CDH10: variants seen among roughly 807,000 people sequenced by gnomAD.
The protein encoded by CDH10 is cadherin-10.
A neutral mutation model predicts 73.1 loss-of-function variants in CDH10; 30 were observed. The observed-to-expected ratio is 0.41, with a 90% CI of 0.31 to 0.56. The LOEUF (loss-of-function observed/expected upper bound fraction) is 0.56. CDH10 is among the 20% of genes least tolerant of loss of function. CDH10 has a pLI of 0.27. For synonymous variants in CDH10, 345 were observed against 348.2 expected (o/e 0.99, Z 0.10); for missense variants, 815 against 973.7 (o/e 0.84, Z 2.17).
chr5:24,550,795 A>G (rs1744515727), intron 2 of CDH10, among the ~76,000 whole-genome samples: 1 of 152,076 alleles, frequency 6.6e-6, no homozygotes, highest in South Asian at 2.1e-4. Context: ...TTTTTCTCCA[A>G]CTTTACTCAT....
At chr5:24,551,935 C>A (rs1241588308) in intron 2 of CDH10, among the ~76,000 whole-genome samples, 1 of 151,998 alleles carries the variant, frequency 6.6e-6, no homozygotes, top group African/African-American at 2.4e-5. Flanking sequence ...GTCTTTATGA[C>A]ATGGATTTTT....
At chr5:24,625,592 AAT>A (rs1486867418) in intron 1 of CDH10, among the ~76,000 whole-genome samples, 1 of 147,436 alleles carries the variant, frequency 6.8e-6, no homozygotes, top group East Asian at 2.0e-4. Context: ...CATATATATG[AAT>A]ATATATGTGT....
intron 1 of CDH10, among the ~76,000 whole-genome samples, chr5:24,610,371 A>G (rs7717758): frequency 0.091 from 13,898 of 152,236 alleles, 846 homozygotes; most frequent in African/African-American, 0.16. Context: ...AATATTTTAG[A>G]GTACATTTAA....
chr5:24,625,299 G>T (rs1292134015), intron 1 of CDH10, among the ~76,000 whole-genome samples: 1 of 151,868 alleles, frequency 6.6e-6, no homozygotes, highest in African/African-American at 2.4e-5. Flanking sequence ...TATTGGAAGT[G>T]CCTGAGTTTG....
intron 2 of CDH10, among the ~76,000 whole-genome samples, chr5:24,574,536 G>A (rs1039514812): frequency 2.0e-5 from 3 of 151,888 alleles, no homozygotes; most frequent in Non-Finnish European, 4.4e-5. Flanking sequence ...CAACCACCAC[G>A]GGAATATTGA....
chr5:24,626,034 C>A (rs1235699405), intron 1 of CDH10, among the ~76,000 whole-genome samples: 2 of 151,974 alleles, frequency 1.3e-5, no homozygotes, highest in Admixed American at 1.3e-4. Context: ...GTAAATTAAG[C>A]CTAAAAGCTT....
intron 6 of CDH10, among the ~76,000 whole-genome samples, chr5:24,510,936 C>T (rs550559862): frequency 1.2e-4 from 18 of 152,296 alleles, no homozygotes; most frequent in African/African-American, 4.1e-4. Context: ...ATTATTGCTT[C>T]ATCATCTGGA....
intron 2 of CDH10, among the ~76,000 whole-genome samples, chr5:24,583,692 C>T (rs2112063548): frequency 6.6e-6 from 1 of 152,274 alleles, no homozygotes; most frequent in East Asian, 1.9e-4. Context: ...GTTGCCTATG[C>T]TGGAGTGCAG....
chr5:24,580,597 C>T (rs1291898865), intron 2 of CDH10, among the ~76,000 whole-genome samples: 1 of 152,110 alleles, frequency 6.6e-6, no homozygotes, highest in Non-Finnish European at 1.5e-5. Flanking sequence ...CAACCTTCTG[C>T]TAAAAATTCT....
intron 10 of CDH10, 75 bp downstream of exon 10, chr5:24,492,742 T>C (rs920821200): frequency 6.8e-6 from 5 of 733,992 alleles, no homozygotes; most frequent in African/African-American, 5.2e-5. Context: ...ATGGCATATA[T>C]ATTGCAATGG....
chr5:24,527,276 TATAA>T (rs1185013938), intron 5 of CDH10, among the ~76,000 whole-genome samples: 4 of 147,986 alleles, frequency 2.7e-5, no homozygotes, highest in East Asian at 2.0e-4. Flanking sequence ...CATATACTTA[TATAA>T]ATATAGTCTT....
intron 5 of CDH10, among the ~76,000 whole-genome samples, chr5:24,518,947 G>T (rs1238809923): frequency 1.5e-5 from 2 of 133,278 alleles, no homozygotes; most frequent in Non-Finnish European, 3.1e-5. Flanking sequence ...CTGGACTGCA[G>T]TGGTGCGATC....
chr5:24,588,755 CA>C (rs1272235413), intron 2 of CDH10, among the ~76,000 whole-genome samples: 2 of 152,156 alleles, frequency 1.3e-5, no homozygotes, highest in Non-Finnish European at 2.9e-5. Context: ...TCAGTTTCTA[CA>C]GTTTCAGAGA....
intron 2 of CDH10, among the ~76,000 whole-genome samples, chr5:24,562,580 T>C (rs1248303525): frequency 2.6e-5 from 4 of 152,168 alleles, no homozygotes; most frequent in Admixed American, 6.5e-5. Flanking sequence ...TTTTATCTTA[T>C]TATTTCACTA....
intron 6 of CDH10, among the ~76,000 whole-genome samples, chr5:24,510,165 T>G (rs1054468154): frequency 6.6e-6 from 1 of 152,206 alleles, no homozygotes; most frequent in African/African-American, 2.4e-5. Context: ...CGTGCAAAGG[T>G]GTTAGCTACT....
chr5:24,630,803 A>T (rs918464231), intron 1 of CDH10, among the ~76,000 whole-genome samples: 2 of 152,122 alleles, frequency 1.3e-5, no homozygotes, highest in African/African-American at 2.4e-5. Flanking sequence ...AGAACAGATT[A>T]AAAAAATTGA....
At position 24,582,688 on chromosome 5, in the gene CDH10, A is replaced by C. The variant is rs189759883; in HGVS notation, c.231+10572T>G. ...AAAGACAGACTGTGGATCAAAAAAAACACTACCATGTCAATAGAAAGATTG... is the reference window on the plus strand; with the variant it reads ...AAAGACAGACTGTGGATCAAAAAAACCACTACCATGTCAATAGAAAGATTG... On this transcript the variant is annotated intron_variant, in intron 2 of 11. Coordinates refer to ENST00000264463, the MANE Select transcript of CDH10 (RefSeq NM_006727.5). 9.0e-3 allele frequency among the ~76,000 whole-genome samples: 1,378 copies of C among 152,338 alleles called. 15 individuals carry two copies. Among genetic ancestry groups the C allele is most frequent in the Admixed American group, 0.017 (256 of 15,300 alleles).
At chr5:24,514,469 C>T (rs903722251) in intron 5 of CDH10, among the ~76,000 whole-genome samples, 1 of 152,122 alleles carries the variant, frequency 6.6e-6, no homozygotes, top group Non-Finnish European at 1.5e-5. Context: ...ATAACCACAT[C>T]CTCTTTTAAT....
At chr5:24,564,875 C>T (rs925604159) in intron 2 of CDH10, among the ~76,000 whole-genome samples, 1 of 152,172 alleles carries the variant, frequency 6.6e-6, no homozygotes, top group East Asian at 1.9e-4. Context: ...TCATGCTGGA[C>T]CCTCCTGTGC....
Sources: gnomAD v4.1 joint callset for allele counts (sites outside exome capture counted in the v4.1 genomes callset) on GRCh38, gnomAD v4.1.1 for gene constraint, MANE v1.5 for transcripts, NCBI Gene and HGNC (gene_info 2026-07-23, HGNC 2026-07-21) for gene names.